Variants in RIMS2 observed in about 807,000 individuals in gnomAD.
RIMS2 encodes the protein regulating synaptic membrane exocytosis 2.
In RIMS2, 59 loss-of-function variants were observed where a neutral mutation model predicts 174.4. That is an observed-to-expected ratio of 0.34 (90% confidence interval 0.27 to 0.42). RIMS2 has a LOEUF of 0.42. RIMS2 is among the 10% of genes least tolerant of loss of function. The pLI is 1.00. For synonymous variants in RIMS2, 606 were observed against 572.5 expected, an observed-to-expected ratio of 1.06 and a Z score of -0.84; for missense variants, 1,620 against 1,666.3, an observed-to-expected ratio of 0.97 and a Z score of 0.48.
At chr8:104,064,589 AG>A (rs1477817345) in intron 19 of RIMS2, among the ~76,000 whole-genome samples, 1 of 152,180 alleles carries the variant, frequency 6.6e-6, no homozygotes, top group African/African-American at 2.4e-5. Flanking sequence ...CAAAAAACAG[AG>A]GGCCATTTCC....
chr8:103,718,148 G>A (rs2097397368), intron 2 of RIMS2, among the ~76,000 whole-genome samples: 1 of 152,116 alleles, frequency 6.6e-6, no homozygotes, highest in Non-Finnish European at 1.5e-5. Context: ...CGTATCTAAT[G>A]CCAAGGAGGA....
At chr8:103,725,798 T>C (rs2097521670) in intron 2 of RIMS2, among the ~76,000 whole-genome samples, 1 of 152,184 alleles carries the variant, frequency 6.6e-6, no homozygotes, top group Non-Finnish European at 1.5e-5. Context: ...GCAAAGGTCA[T>C]ATACAATTTT....
chr8:103,975,442 C>A (rs746467834), exon 16 of RIMS2: 1 of 1,610,794 alleles, frequency 6.2e-7, no homozygotes, highest in South Asian at 1.1e-5. Flanking sequence ...ATCAGGGTCT[C>A]CTCATCGAGT....
At chr8:104,064,126 A>T (rs1325924735) in intron 19 of RIMS2, among the ~76,000 whole-genome samples, 1 of 152,200 alleles carries the variant, frequency 6.6e-6, no homozygotes, top group Non-Finnish European at 1.5e-5. Flanking sequence ...TAGCAGCTTT[A>T]TCAATATAAC....
At chr8:104,219,354 A>G (rs1450922976) in intron 19 of RIMS2, among the ~76,000 whole-genome samples, 1 of 152,202 alleles carries the variant, frequency 6.6e-6, no homozygotes, top group Non-Finnish European at 1.5e-5. Flanking sequence ...TGAACCTGAA[A>G]TCAGGAACCC....
chr8:103,776,360 A>T (rs188737393), intron 3 of RIMS2, among the ~76,000 whole-genome samples: 77 of 152,140 alleles, frequency 5.1e-4, no homozygotes, highest in Non-Finnish European at 7.9e-4. Context: ...CTTTTGATGT[A>T]TTGGTCAGTT....
rs555529329 is a variant in RIMS2 at position 104,197,488 on chromosome 8, T to C, written c.3335-47428T>C. Among the ~76,000 whole-genome samples the C allele has an allele frequency of 7.2e-5, 11 of 152,298 alleles. No individual in the cohort carries two copies. In the Middle Eastern group the frequency reaches 0.017, roughly 235 times the overall value. ...CACTGTGCCTGGCCAACATAAGCAA[T>C]TTTATTGGTAAATTCAGGTAGAATA... On this transcript the variant is annotated intron_variant, in intron 19 of 23. Coordinates refer to ENST00000504942, the Ensembl canonical transcript of RIMS2.
At position 103,557,184 on chromosome 8, in the gene RIMS2, C is replaced by T. The variant is rs145355067; in HGVS notation, c.176+56122C>T. Reference sequence around the variant, plus strand: ...CTCAAAAACCGATAGCTCATTGTCTCTCTTCTTTTTACTCATATTACTGAT... The same window carrying T: ...CTCAAAAACCGATAGCTCATTGTCTTTCTTCTTTTTACTCATATTACTGAT... On this transcript the variant is annotated intron_variant, in intron 1 of 23. Transcript: ENST00000504942. Among the ~76,000 whole-genome samples the T allele has an allele frequency of 2.6e-3, 391 of 152,304 alleles. 1 individual carries two copies. Among genetic ancestry groups the T allele is most frequent in the African/African-American group, 8.8e-3 (367 of 41,568 alleles).
chr8:103,739,919 A>G (rs1183207802), intron 2 of RIMS2, among the ~76,000 whole-genome samples: 2 of 152,128 alleles, frequency 1.3e-5, no homozygotes, highest in East Asian at 1.9e-4. Context: ...AAGTGTCATC[A>G]TTATATATCT....
intron 10 of RIMS2, among the ~76,000 whole-genome samples, chr8:103,925,771 G>A (rs1211101855): frequency 6.6e-6 from 1 of 151,594 alleles, no homozygotes; most frequent in African/African-American, 2.4e-5. Flanking sequence ...AGTAGGGAGT[G>A]ATTACGTAAA....
At chr8:103,600,377 A>T (rs543392256) in intron 1 of RIMS2, among the ~76,000 whole-genome samples, 1 of 152,078 alleles carries the variant, frequency 6.6e-6, no homozygotes, top group South Asian at 2.1e-4. Context: ...TCGAGCAATT[A>T]TCATGCCTCA....
intron 4 of RIMS2, among the ~76,000 whole-genome samples, chr8:103,905,970 CTTG>C (rs1243306809): frequency 1.3e-5 from 2 of 151,574 alleles, no homozygotes; most frequent in Non-Finnish European, 2.9e-5. Flanking sequence ...CTTTCTAGTT[CTTG>C]TTCTAGAACT....
Position 104,170,616 on chromosome 8 carries a change from A to G in RIMS2, c.3335-74300A>G, listed in dbSNP as rs1180469775. 2.6e-5 allele frequency among the ~76,000 whole-genome samples: 4 copies of G among 152,076 alleles called. No homozygotes were observed. The East Asian group carries it at 5.8e-4, about 22-fold the overall frequency. On this transcript the variant is annotated intron_variant, in intron 19 of 23. Coordinates refer to ENST00000504942, the Ensembl canonical transcript of RIMS2. The stretch of plus-strand genomic sequence containing the variant: ...TTGGTGGTTTTTTATCCATTCTACC[A>G]TTCTGTATCTTTTAAGTAGAGCCTT...
intron 1 of RIMS2, among the ~76,000 whole-genome samples, chr8:103,615,802 C>A (rs6468881): frequency 0.18 from 27,681 of 151,994 alleles, 2,757 homozygotes; most frequent in African/African-American, 0.26. Context: ...GACACATACA[C>A]CCTCCGAAGA....
At chr8:103,546,842 C>G (rs544890916) in intron 1 of RIMS2, among the ~76,000 whole-genome samples, 1 of 152,218 alleles carries the variant, frequency 6.6e-6, no homozygotes, top group Admixed American at 6.5e-5. Flanking sequence ...CCTCCAATCC[C>G]TGCTGCTTTC....
chr8:103,916,201 T>A (rs1423877549), intron 7 of RIMS2, among the ~76,000 whole-genome samples: 2 of 152,072 alleles, frequency 1.3e-5, no homozygotes, highest in Non-Finnish European at 2.9e-5. Flanking sequence ...GTTTACATAA[T>A]TTTTTCCTCC....
chr8:103,862,099 A>T (rs2099061982), intron 3 of RIMS2, among the ~76,000 whole-genome samples: 1 of 152,000 alleles, frequency 6.6e-6, no homozygotes, highest in African/African-American at 2.4e-5. Flanking sequence ...TAGGGCTTTT[A>T]TAGTTTCAGG....
intron 19 of RIMS2, among the ~76,000 whole-genome samples, chr8:104,174,444 A>G (rs1466843821): frequency 6.6e-6 from 1 of 152,170 alleles, no homozygotes; most frequent in Non-Finnish European, 1.5e-5. Flanking sequence ...AGTAATGACA[A>G]TATATTACCT....
chr8:104,113,406 T>G (rs1314215332), intron 19 of RIMS2, among the ~76,000 whole-genome samples: 2 of 152,156 alleles, frequency 1.3e-5, no homozygotes, highest in African/African-American at 2.4e-5. Flanking sequence ...ATAAAGATTT[T>G]TCCCAATTGG....
Sources: allele counts gnomAD v4.1 joint callset (sites outside exome capture counted in the v4.1 genomes callset), GRCh38; gene constraint gnomAD v4.1.1; transcripts MANE v1.5; gene names NCBI Gene and HGNC (gene_info 2026-07-23, HGNC 2026-07-21).